The following SLC35D4 variants were observed in gnomAD, a reference collection of about 807,000 sequenced individuals.
SLC35D4 encodes UDP-N-acetylglucosamine transporter SLC35D4.
At chr18:23,418,837 C>G in the SLC35D4 span, among the ~76,000 whole-genome samples, 1 of 151,658 alleles carries the variant, frequency 6.6e-6, no homozygotes, top group African/African-American at 2.4e-5. Context: ...TAAACCCCGT[C>G]TCTACTAAAA....
At chr18:23,300,402 T>C in the SLC35D4 span, among the ~76,000 whole-genome samples, 1 of 152,190 alleles carries the variant, frequency 6.6e-6, no homozygotes, top group African/African-American at 2.4e-5. Flanking sequence ...TCGGACATTT[T>C]ATACACTTTC....
chr18:23,350,473 C>G, the SLC35D4 span, among the ~76,000 whole-genome samples: 1 of 152,148 alleles, frequency 6.6e-6, no homozygotes, highest in African/African-American at 2.4e-5. Context: ...TTTCACAGCT[C>G]CTCTGTGTGT....
At chr18:23,333,816 T>C in the SLC35D4 span, among the ~76,000 whole-genome samples, 1 of 152,248 alleles carries the variant, frequency 6.6e-6, no homozygotes, top group African/African-American at 2.4e-5. Context: ...TTTGTTCTTT[T>C]CTGGAGGTGG....
the SLC35D4 span, among the ~76,000 whole-genome samples, chr18:23,348,668 T>C: frequency 6.6e-6 from 1 of 152,232 alleles, no homozygotes; most frequent in Non-Finnish European, 1.5e-5. Flanking sequence ...AGCTTTCTTA[T>C]GGTAACTGTC....
At chr18:23,254,022 C>A in the SLC35D4 span, 1 of 1,132,068 alleles carries the variant, frequency 8.8e-7, no homozygotes, top group Non-Finnish European at 1.3e-6. Flanking sequence ...AGTGACCCTG[C>A]CTGGAAGGAT....
the SLC35D4 span, among the ~76,000 whole-genome samples, chr18:23,308,145 C>T: frequency 8.5e-5 from 13 of 152,210 alleles, no homozygotes; most frequent in Admixed American, 2.6e-4. Flanking sequence ...GCCAGGGAAG[C>T]CTCTCTGAGG....
the SLC35D4 span, chr18:23,399,581 T>C: frequency 2.4e-5 from 39 of 1,613,730 alleles, no homozygotes; most frequent in Non-Finnish European, 3.3e-5. Context: ...TGGACAATGC[T>C]CTGGACCCAG....
chr18:23,251,917 C>A, the SLC35D4 span, among the ~76,000 whole-genome samples: 1 of 152,042 alleles, frequency 6.6e-6, no homozygotes, highest in Non-Finnish European at 1.5e-5. Flanking sequence ...GAAACTCAGT[C>A]TCTCTTAAAA....
chr18:23,280,071 T>C, the SLC35D4 span, among the ~76,000 whole-genome samples: 2 of 152,236 alleles, frequency 1.3e-5, no homozygotes, highest in African/African-American at 2.4e-5. Flanking sequence ...AATGAATCCA[T>C]TCAGGAAGAG....
the SLC35D4 span, among the ~76,000 whole-genome samples, chr18:23,334,310 C>G: frequency 6.6e-6 from 1 of 152,126 alleles, no homozygotes; most frequent in East Asian, 1.9e-4. Flanking sequence ...GGGCCTGCTC[C>G]TTGTGCAGCA....
chr18:23,323,489 G>T, the SLC35D4 span, among the ~76,000 whole-genome samples: 1 of 152,108 alleles, frequency 6.6e-6, no homozygotes, highest in African/African-American at 2.4e-5. Context: ...AGCCCTCTAC[G>T]TGACATCAAG....
chr18:23,437,901 C>T, the SLC35D4 span: 2 of 1,575,798 alleles, frequency 1.3e-6, no homozygotes, highest in Admixed American at 1.8e-5. Flanking sequence ...GCCCAAATCC[C>T]CTGGCCGCCG....
chr18:23,303,807 A>G, the SLC35D4 span, among the ~76,000 whole-genome samples: 3 of 152,108 alleles, frequency 2.0e-5, no homozygotes, highest in South Asian at 6.2e-4. Flanking sequence ...AAGCTGAGGC[A>G]TGAGAATTGC....
At chr18:23,356,680 T>C in the SLC35D4 span, 4 of 1,613,308 alleles carry the variant, frequency 2.5e-6, no homozygotes, top group Non-Finnish European at 1.7e-6. The surrounding 1 kb of genome is among the most constrained non-coding windows in gnomAD (Gnocchi z 4.1). Context: ...GGAACAGCAA[T>C]GGTGAAACAG....
the SLC35D4 span, among the ~76,000 whole-genome samples, chr18:23,374,732 G>A: frequency 6.6e-6 from 1 of 152,106 alleles, no homozygotes; most frequent in South Asian, 2.1e-4. Context: ...TGATCCGCCT[G>A]CCTCGGCCTC....
the SLC35D4 span, among the ~76,000 whole-genome samples, chr18:23,347,737 T>C: frequency 6.6e-6 from 1 of 152,208 alleles, no homozygotes; most frequent in African/African-American, 2.4e-5. Flanking sequence ...TTTTCTCTTA[T>C]TTTCTTGGTC....
the SLC35D4 span, among the ~76,000 whole-genome samples, chr18:23,373,299 G>A: frequency 6.6e-5 from 10 of 152,076 alleles, no homozygotes; most frequent in East Asian, 1.3e-3. Context: ...TGGGCAACAG[G>A]GTGAGACTCT....
At chr18:23,409,132 T>C in the SLC35D4 span, among the ~76,000 whole-genome samples, 1 of 151,402 alleles carries the variant, frequency 6.6e-6, no homozygotes, top group African/African-American at 2.4e-5. Context: ...TGAAACTCCA[T>C]CTCAAAAAGG....
At chr18:23,350,145 T>C in the SLC35D4 span, among the ~76,000 whole-genome samples, 1 of 152,342 alleles carries the variant, frequency 6.6e-6, no homozygotes, top group African/African-American at 2.4e-5. Context: ...ACAAGATTTG[T>C]TGTTATTGTT....
Sources: allele counts gnomAD v4.1 joint callset (sites outside exome capture counted in the v4.1 genomes callset), GRCh38; gene constraint gnomAD v4.1.1; non-coding constraint Gnocchi (gnomAD v3.1); transcripts MANE v1.5; gene names NCBI Gene and HGNC (gene_info 2026-07-23, HGNC 2026-07-21).